PIK3C2G: variants seen among roughly 807,000 people sequenced by gnomAD.
PIK3C2G encodes phosphatidylinositol-4-phosphate 3-kinase catalytic subunit type 2 gamma.
In PIK3C2G, 168 loss-of-function variants were observed where a neutral mutation model predicts 181.1. That is an observed-to-expected ratio of 0.93 (90% confidence interval 0.82 to 1.05). The LOEUF (loss-of-function observed/expected upper bound fraction) is 1.05. Among genes scored for constraint, PIK3C2G ranks in the 50% least tolerant of loss-of-function variants. The probability of loss-of-function intolerance (pLI) is 0.00; values close to 1 mark genes in which losing one functional copy is unlikely to be tolerated. For synonymous variants in PIK3C2G, 573 were observed against 592.2 expected (o/e 0.97, Z 0.47); for missense variants, 1,869 against 1,732.8 (o/e 1.08, Z -1.40).
the PIK3C2G span, among the ~76,000 whole-genome samples, chr12:18,672,351 A>G: frequency 6.6e-6 from 1 of 152,158 alleles, no homozygotes; most frequent in Non-Finnish European, 1.5e-5. Flanking sequence ...GAAAAGGGAA[A>G]GGTTTTTAAT....
At chr12:18,527,859 G>A (rs1284885619) in intron 24 of PIK3C2G, among the ~76,000 whole-genome samples, 1 of 152,068 alleles carries the variant, frequency 6.6e-6, no homozygotes, top group Non-Finnish European at 1.5e-5. Flanking sequence ...TTGAGCCTGA[G>A]AGGAACCAGA....
chr12:18,609,342 T>C (rs1056331211), intron 30 of PIK3C2G, among the ~76,000 whole-genome samples, 193 bp from the exon 31 acceptor site: 1 of 152,114 alleles, frequency 6.6e-6, no homozygotes, highest in East Asian at 1.9e-4. Flanking sequence ...GAAGAGTTAG[T>C]TAAAGATTAG....
intron 24 of PIK3C2G, among the ~76,000 whole-genome samples, chr12:18,526,941 A>G (rs1943269627): frequency 6.6e-6 from 1 of 152,186 alleles, no homozygotes; most frequent in South Asian, 2.1e-4. Flanking sequence ...ATAAGTAAAA[A>G]CAGTTTCTCT....
downstream of PIK3C2G, among the ~76,000 whole-genome samples, chr12:18,650,720 A>ATATATC (rs1950462293): frequency 1.0e-3 from 11 of 10,590 alleles, no homozygotes; most frequent in Non-Finnish European, 1.7e-3. Context: ...ATCTATATAT[A>ATATATC]TATATATATA....
At chr12:18,402,738 T>C (rs975717613) in intron 16 of PIK3C2G, among the ~76,000 whole-genome samples, 2 of 152,148 alleles carry the variant, frequency 1.3e-5, no homozygotes, top group Non-Finnish European at 2.9e-5. Context: ...TGAACTTCAA[T>C]ATCCTCTGAT....
chr12:18,371,428 C>T (rs1460213355), intron 13 of PIK3C2G, 117 bp downstream of exon 13: 2 of 843,422 alleles, frequency 2.4e-6, no homozygotes, highest in Non-Finnish European at 3.5e-6. Flanking sequence ...CTAAAATTGA[C>T]ATAGTTCAAT....
intron 1 of PIK3C2G, among the ~76,000 whole-genome samples, chr12:18,267,316 GCTA>G (rs1039832045): frequency 2.0e-5 from 3 of 150,734 alleles, no homozygotes; most frequent in Non-Finnish European, 4.4e-5. Flanking sequence ...ATTTTGTTTT[GCTA>G]CTTTTTAATT....
chr12:18,304,250 T>C (rs1950326047), intron 5 of PIK3C2G, among the ~76,000 whole-genome samples: 1 of 152,192 alleles, frequency 6.6e-6, no homozygotes, highest in African/African-American at 2.4e-5. Context: ...CATGACAATT[T>C]ATATTAATTT....
chr12:18,594,570 G>A lies in PIK3C2G; in HGVS notation c.4087+1G>A, dbSNP rs1299386474. 2 of 1,487,794 alleles carry A rather than the reference G, an allele frequency of 1.3e-6. No homozygotes were observed. The highest frequency in any genetic ancestry group is 1.8e-6 in the Non-Finnish European group (2 of 1,110,682). 92.2% of individuals were successfully genotyped at this position (1,487,794 alleles called of 1,614,324 possible). On this transcript the variant is annotated splice_donor_variant, in intron 30 of 32. Coordinates refer to ENST00000538779, the MANE Select transcript of PIK3C2G (RefSeq NM_001288772.2). LOFTEE classifies it high-confidence loss of function. ...GAAGAATCATCACCTGTGTACCTAG[G>A]TAAGTAAATTTGTCATTATATTACG...
chr12:18,491,427 C>G (rs978957198), intron 19 of PIK3C2G, 24 bp from the exon 20 acceptor site: 5 of 1,204,084 alleles, frequency 4.2e-6, no homozygotes, highest in Non-Finnish European at 6.1e-6. Flanking sequence ...TTTCTTAAAT[C>G]CTTTTTCTAA....
intron 31 of PIK3C2G, among the ~76,000 whole-genome samples, chr12:18,614,252 G>A (rs991607146): frequency 6.6e-6 from 1 of 152,090 alleles, no homozygotes; most frequent in African/African-American, 2.4e-5. Flanking sequence ...AAGATACAAA[G>A]CAAAGGATAG....
chr12:18,584,896 C>T (rs188909416), intron 29 of PIK3C2G, among the ~76,000 whole-genome samples: 26 of 152,102 alleles, frequency 1.7e-4, no homozygotes, highest in African/African-American at 6.0e-4. Context: ...ATTCAACATA[C>T]TTAAAGAAAA....
the PIK3C2G span, among the ~76,000 whole-genome samples, chr12:18,684,850 G>T: frequency 1.3e-5 from 2 of 151,896 alleles, no homozygotes; most frequent in Non-Finnish European, 2.9e-5. Flanking sequence ...GGATTATAGG[G>T]GGCTGTTCTC....
chr12:18,642,897 A>T (rs1395382595), intron 32 of PIK3C2G, among the ~76,000 whole-genome samples: 1 of 151,938 alleles, frequency 6.6e-6, no homozygotes, highest in East Asian at 1.9e-4. Flanking sequence ...GTAAGGAAAA[A>T]TATTTTGACA....
At chr12:18,542,880 G>A (rs1944235283) in intron 25 of PIK3C2G, among the ~76,000 whole-genome samples, 1 of 151,862 alleles carries the variant, frequency 6.6e-6, no homozygotes, top group African/African-American at 2.4e-5. Context: ...TTGTGTTCAT[G>A]TGTCTTTACG....
chr12:18,336,634 AT>A (rs567780075), intron 8 of PIK3C2G, among the ~76,000 whole-genome samples: 1 of 152,018 alleles, frequency 6.6e-6, no homozygotes, highest in African/African-American at 2.4e-5. Flanking sequence ...GAAATAAATG[AT>A]TTTTTTCCAT....
intron 10 of PIK3C2G, among the ~76,000 whole-genome samples, chr12:18,344,097 A>C (rs541637406): frequency 3.3e-5 from 5 of 152,260 alleles, no homozygotes; most frequent in African/African-American, 1.2e-4. Context: ...ATAGGATTTA[A>C]TGTGCAGGAT....
intron 18 of PIK3C2G, among the ~76,000 whole-genome samples, chr12:18,463,436 T>C (rs1948030464): frequency 6.6e-6 from 1 of 152,192 alleles, no homozygotes; most frequent in Non-Finnish European, 1.5e-5. Context: ...TCACCTTTAA[T>C]GCCTCAATCC....
intron 24 of PIK3C2G, among the ~76,000 whole-genome samples, chr12:18,518,012 C>T (rs1024144154): frequency 3.9e-5 from 6 of 152,118 alleles, no homozygotes; most frequent in African/African-American, 1.4e-4. Flanking sequence ...GTCATTGATT[C>T]TGTTTATATG....
Sources: allele counts gnomAD v4.1 joint callset (sites outside exome capture counted in the v4.1 genomes callset), GRCh38; gene constraint gnomAD v4.1.1; transcripts MANE v1.5; gene names NCBI Gene and HGNC (gene_info 2026-07-23, HGNC 2026-07-21).